Variants in COPA observed in about 807,000 individuals in gnomAD.
COPA encodes the protein coatomer subunit alpha.
In COPA, 10 loss-of-function variants were observed where a neutral mutation model predicts 158.7. That is an observed-to-expected ratio of 0.06 (90% confidence interval 0.04 to 0.11). The LOEUF is 0.11. COPA is among the 10% of genes least tolerant of loss of function. The probability of loss-of-function intolerance (pLI) is 1.00; values close to 1 mark genes in which losing one functional copy is unlikely to be tolerated. For synonymous variants in COPA, 462 were observed against 542.8 expected, an observed-to-expected ratio of 0.85 and a Z score of 2.07; for missense variants, 1,065 against 1,536.7, an observed-to-expected ratio of 0.69 and a Z score of 5.13.
intron 12 of COPA, among the ~76,000 whole-genome samples, chr1:160,309,532 A>G (rs1227907452): frequency 6.7e-6 from 1 of 149,822 alleles, no homozygotes; most frequent in East Asian, 2.0e-4. Context: ...TCTGGAAAGG[A>G]AAAAAAAAAG....
chr1:160,318,476 A>AAAC (rs1659221567), intron 8 of COPA, among the ~76,000 whole-genome samples: 1 of 77,426 alleles, frequency 1.3e-5, no homozygotes, highest in Non-Finnish European at 2.2e-5. Context: ...TGTAAAAAAA[A>AAAC]AAAAAAAAAA....
intron 31 of COPA, 85 bp downstream of exon 31, chr1:160,291,250 G>T: frequency 2.1e-6 from 3 of 1,441,878 alleles, no homozygotes; most frequent in Non-Finnish European, 2.8e-6. Flanking sequence ...TTATTGCTTT[G>T]TTTCAGAGGC....
rs1204653314 is a variant in COPA, at chr1:160,290,581, T to C, written c.3526A>G (p.Ile1176Val). ...TTTTCTACTGGCTTTCCACGGTAGATGGGCCGATATGATGCAGCACAAATG... is the reference window on the plus strand; with the variant it reads ...TTTTCTACTGGCTTTCCACGGTAGACGGGCCGATATGATGCAGCACAAATG... ...FDICAASYRP[I>V]YRGKPVEKCP... Residue 1176 changes from isoleucine to valine, a missense_variant, in exon 32 of 33, where the codon ATC becomes GTC. By Grantham distance (29) the Ile-to-Val change is conservative. Around this residue, in one of 2 missense-constraint regions of COPA, gnomAD observed 980 missense variants for 1,357.8 expected, o/e 0.72. Transcript: ENST00000241704. The C allele has an allele frequency of 1.9e-6, 3 of 1,614,170 alleles. No homozygotes were observed. The highest frequency in any genetic ancestry group is 1.1e-5 in the South Asian group (1 of 91,080).
At chr1:160,292,446 A>G (rs769080653) in intron 28 of COPA, 38 bp downstream of exon 28, 11 of 1,612,564 alleles carry the variant, frequency 6.8e-6, no homozygotes, top group South Asian at 1.1e-5. Flanking sequence ...ATCGACCACA[A>G]CTTGGAACAG....
chr1:160,300,456 C>T lies in COPA; in HGVS notation c.1668-1192G>A, dbSNP rs556998025. 2.0e-5 allele frequency among the ~76,000 whole-genome samples: 3 copies of T among 151,874 alleles called. No homozygotes were observed. In the East Asian group the frequency reaches 5.8e-4, roughly 29 times the overall value. On this transcript the variant is annotated intron_variant, in intron 17 of 32. Transcript: ENST00000241704. ...TTGAATCAAAAATAAATAGAAAACA[C>T]CTATAGTCCTATAATGGCTAAATAA...
intron 8 of COPA, chr1:160,317,334 C>T (rs1360432609): frequency 7.7e-6 from 11 of 1,435,812 alleles, no homozygotes; most frequent in South Asian, 3.4e-5. Flanking sequence ...TTGTAAACCC[C>T]GGAGTGAGGT....
intron 13 of COPA, among the ~76,000 whole-genome samples, chr1:160,308,255 T>C (rs1010900436): frequency 6.6e-6 from 1 of 152,114 alleles, no homozygotes; most frequent in African/African-American, 2.4e-5. Context: ...CTGACTAATT[T>C]ATAAGGGAGA....
chr1:160,335,287 T>A lies in COPA; in HGVS notation c.264A>T (p.Thr88=), dbSNP rs751570700. Residue 88 remains threonine, a synonymous_variant, in exon 4 of 33, where the codon ACA becomes ACT. Coordinates refer to ENST00000241704, the MANE Select transcript of COPA (RefSeq NM_004371.4). The part of the protein sequence containing the change: ...WNYKLRRCLF[T]LLGHLDYIRT... ...GAATATAATCTAAGTGCCCAAGCAATGTGAAAAGACAGCGCCGAAGCTTGT... is the reference window on the plus strand; with the variant it reads ...GAATATAATCTAAGTGCCCAAGCAAAGTGAAAAGACAGCGCCGAAGCTTGT... The A allele has an allele frequency of 3.7e-6, 6 of 1,612,248 alleles. No individual in the cohort carries two copies. Among genetic ancestry groups the A allele is most frequent in the Non-Finnish European group, 5.1e-6 (6 of 1,179,178 alleles).
At chr1:160,322,990 C>T (rs571109172) in intron 8 of COPA, among the ~76,000 whole-genome samples, 58 of 92,290 alleles carry the variant, frequency 6.3e-4, no homozygotes, top group South Asian at 1.2e-3. Flanking sequence ...CGCGCACGTG[C>T]ACACACACAC....
At chr1:160,321,604 A>G (rs1021221345) in intron 8 of COPA, among the ~76,000 whole-genome samples, 3 of 152,224 alleles carry the variant, frequency 2.0e-5, no homozygotes, top group African/African-American at 4.8e-5. Flanking sequence ...CTTGGCCAAC[A>G]TGGTGAAACC....
rs1647974736 is a variant in COPA, at chr1:160,340,216, A to G, written c.119T>C (p.Met40Thr). Residue 40 changes from methionine (M) to threonine (T), a missense_variant, in exon 2 of 33, where the codon ATG (methionine) becomes ACG (threonine). This residue lies in a region of COPA where 85 missense variants were observed against 178.9 expected (regional missense o/e 0.48). Transcript: ENST00000241704. ...NGVIQLWDYR[M>T]CTLIDKFDEH... is the part of the protein sequence containing the mutation. ...ATCAAACTTGTCAATGAGAGTGCACATCCGATAGTCCCATAACTGGATGAC... is the reference window on the plus strand; with the variant it reads ...ATCAAACTTGTCAATGAGAGTGCACGTCCGATAGTCCCATAACTGGATGAC... 12 of 1,613,658 alleles carry G rather than the reference A, an allele frequency of 7.4e-6. No individual in the cohort carries two copies. Among genetic ancestry groups the G allele is most frequent in the Non-Finnish European group, 1.0e-5 (12 of 1,179,878 alleles).
At chr1:160,304,864 A>G (rs1460348301) in intron 17 of COPA, among the ~76,000 whole-genome samples, 1 of 152,214 alleles carries the variant, frequency 6.6e-6, no homozygotes, top group Non-Finnish European at 1.5e-5. Context: ...TAGAACTGAC[A>G]AACTGTGGCA....
intron 5 of COPA, 67 bp from the exon 6 acceptor site, chr1:160,332,624 C>A: frequency 9.2e-7 from 1 of 1,088,408 alleles, no homozygotes; most frequent in South Asian, 1.5e-5. Context: ...AACTAAATAC[C>A]TTTCTCCATA....
intron 12 of COPA, 50 bp from the exon 13 acceptor site, chr1:160,309,226 A>G (rs757454067): frequency 1.4e-6 from 2 of 1,388,194 alleles, no homozygotes; most frequent in Admixed American, 3.4e-5. Flanking sequence ...CACCCAAGAT[A>G]CCAGTTTTCC....
intron 6 of COPA, among the ~76,000 whole-genome samples, chr1:160,330,985 C>T (rs1316017339): frequency 6.6e-6 from 1 of 151,700 alleles, no homozygotes; most frequent in Admixed American, 6.6e-5. Flanking sequence ...ACCAGCCTGG[C>T]CAACATGGTG....
chr1:160,323,551 T>C, intron 7 of COPA, 21 bp from the exon 8 acceptor site: 1 of 1,578,320 alleles, frequency 6.3e-7, no homozygotes. Flanking sequence ...GAGTGGTTCT[T>C]CTAAAACATC....
chr1:160,292,672 A>G, intron 27 of COPA, 52 bp from the exon 28 acceptor site: 4 of 1,476,826 alleles, frequency 2.7e-6, no homozygotes, highest in Non-Finnish European at 3.7e-6. Flanking sequence ...ATAAAAAGCT[A>G]CTTTTCCTTG....
chr1:160,311,899 A>G lies in COPA; in HGVS notation c.1045T>C (p.Ser349Pro). The part of the protein sequence containing the change: ...RFLRQLDFNS[S>P]KDVAVMQLRS... ...AACTGCATCACAGCTACATCTTTGG[A>G]GCTGTTGAAATCCAGCTGTCGTAAG... Residue 349 changes from serine to proline, a missense_variant, in exon 11 of 33, where the codon TCC becomes CCC. Ser to Pro is a moderately conservative substitution (Grantham distance 74). Transcript: ENST00000241704. 1 of 1,614,020 alleles carries G rather than the reference A, an allele frequency of 6.2e-7. No homozygotes were observed. The highest frequency in any genetic ancestry group is 8.5e-7 in the Non-Finnish European group (1 of 1,179,912).
intron 8 of COPA, among the ~76,000 whole-genome samples, chr1:160,321,320 A>G (rs571923547): frequency 2.0e-5 from 3 of 152,332 alleles, no homozygotes; most frequent in Admixed American, 2.0e-4. Flanking sequence ...TTTATTCGAC[A>G]AAACACTAGA....
Sources: gnomAD v4.1 joint callset for allele counts (sites outside exome capture counted in the v4.1 genomes callset) on GRCh38, gnomAD v4.1.1 for gene constraint, gnomAD v4.1.1 regional missense constraint, MANE v1.5 for transcripts, NCBI Gene and HGNC (gene_info 2026-07-23, HGNC 2026-07-21) for gene names.